NAALADL2: variants seen among roughly 807,000 people sequenced by gnomAD.
The protein encoded by NAALADL2 is inactive N-acetylated-alpha-linked acidic dipeptidase-like protein 2.
A neutral mutation model predicts 87.2 loss-of-function variants in NAALADL2; 76 were observed. The observed-to-expected ratio is 0.87, with a 90% CI of 0.72 to 1.05. The LOEUF (loss-of-function observed/expected upper bound fraction) is 1.05, where lower values mean the gene tolerates loss of function less well. Ranked by LOEUF, NAALADL2 falls within the 50% of genes least tolerant of loss-of-function variation. NAALADL2 has a pLI of 0.00. For missense variants in NAALADL2, 1,089 were observed against 945.8 expected (o/e 1.15, Z -1.99); for synonymous variants, 354 against 331.0 (o/e 1.07, Z -0.75).
chr3:175,100,103 T>G (rs975611044), intron 2 of NAALADL2, among the ~76,000 whole-genome samples: 1 of 151,974 alleles, frequency 6.6e-6, no homozygotes, highest in East Asian at 1.9e-4. Flanking sequence ...TGATTTTAAA[T>G]AAGTGGCAAC....
At chr3:175,774,669 A>G (rs985685359) in intron 13 of NAALADL2, among the ~76,000 whole-genome samples, 5 of 152,070 alleles carry the variant, frequency 3.3e-5, no homozygotes, top group Admixed American at 2.0e-4. Context: ...ATATAGATCT[A>G]TGCTGCTCAA....
At chr3:174,812,873 T>G (rs1720374769) in intron 3 of NAALADL2, among the ~76,000 whole-genome samples, 1 of 152,000 alleles carries the variant, frequency 6.6e-6, no homozygotes, top group Non-Finnish European at 1.5e-5. Flanking sequence ...TTCATACAGC[T>G]CTACAATATA....
At position 175,368,509 on chromosome 3, in the gene NAALADL2, G is replaced by C. The variant is rs183587248; in HGVS notation, c.1090+44184G>C. 1.7e-3 allele frequency among the ~76,000 whole-genome samples: 265 copies of C among 151,940 alleles called. 1 individual carries two copies. The highest frequency in any genetic ancestry group is 6.1e-3 in the African/African-American group (252 of 41,488). Reference sequence around the variant, plus strand: ...CCGAAAATAGTTACATTTTACAAACGAATCTCTAACACATTTTGGTATCTT... The same window carrying C: ...CCGAAAATAGTTACATTTTACAAACCAATCTCTAACACATTTTGGTATCTT... On this transcript the variant is annotated intron_variant, in intron 5 of 13. Transcript: ENST00000454872.
intron 1 of NAALADL2, among the ~76,000 whole-genome samples, chr3:174,989,392 C>T (rs1746408915): frequency 6.6e-6 from 1 of 152,106 alleles, no homozygotes; most frequent in African/African-American, 2.4e-5. Context: ...TAGAAAGAAA[C>T]TTACATTTTG....
intron 1 of NAALADL2, among the ~76,000 whole-genome samples, chr3:174,962,708 A>T (rs1274064476): frequency 6.6e-6 from 1 of 151,974 alleles, no homozygotes; most frequent in Non-Finnish European, 1.5e-5. Flanking sequence ...ATTATGAGGG[A>T]CTTGATGCTC....
chr3:175,650,735 CTT>C (rs375728204), intron 11 of NAALADL2, among the ~76,000 whole-genome samples: 10 of 152,250 alleles, frequency 6.6e-5, no homozygotes, highest in Non-Finnish European at 1.2e-4. Flanking sequence ...TTCATCCAAA[CTT>C]ATATTTCTTA....
At chr3:175,144,431 G>C (rs2108746240) in intron 2 of NAALADL2, among the ~76,000 whole-genome samples, 1 of 151,634 alleles carries the variant, frequency 6.6e-6, no homozygotes, top group Admixed American at 6.6e-5. Context: ...AAATATATGA[G>C]TTAAGTTGAG....
At chr3:175,565,151 G>C (rs1206341876) in intron 9 of NAALADL2, among the ~76,000 whole-genome samples, 1 of 152,148 alleles carries the variant, frequency 6.6e-6, no homozygotes, top group Non-Finnish European at 1.5e-5. Flanking sequence ...CAGCAGTGGA[G>C]GTTGAAGAGA....
chr3:175,322,199 C>T (rs1044911142), intron 4 of NAALADL2, among the ~76,000 whole-genome samples: 3 of 151,232 alleles, frequency 2.0e-5, no homozygotes, highest in Non-Finnish European at 2.9e-5. Flanking sequence ...CTACAACTAT[C>T]TGATCTTTGA....
intron 3 of NAALADL2, among the ~76,000 whole-genome samples, chr3:174,841,645 A>T (rs548142081): frequency 2.3e-3 from 349 of 152,294 alleles, no homozygotes; most frequent in Non-Finnish European, 3.1e-3. Context: ...AGGGTTGATC[A>T]TTTTATTTCA....
rs1473381398 is a variant in NAALADL2, at chr3:175,446,254, C to CG, written c.1091-968dup. Among the ~76,000 whole-genome samples the CG allele has an allele frequency of 4.1e-3, 137 of 33,586 alleles. 2 individuals are homozygous for CG. The highest frequency in any genetic ancestry group is 0.014 in the African/African-American group (124 of 8,628). 22.0% of individuals were successfully genotyped at this position (33,586 alleles called of 152,430 possible). ...TCATGACACCTTTTTTTGGGGGGGG[C>CG]GGGGGGGACTGTGTCTCACTCTGTC... is the stretch of plus-strand genomic sequence containing the variant. On this transcript the variant is annotated intron_variant, in intron 5 of 13. Coordinates refer to ENST00000454872, the MANE Select transcript of NAALADL2 (RefSeq NM_207015.3).
chr3:175,726,113 G>A (rs1742881246), intron 11 of NAALADL2, among the ~76,000 whole-genome samples: 1 of 151,746 alleles, frequency 6.6e-6, no homozygotes, highest in Non-Finnish European at 1.5e-5. Context: ...GTCAAAACAT[G>A]ACTATATCAC....
At chr3:175,583,900 G>A (rs2149582383) in intron 10 of NAALADL2, among the ~76,000 whole-genome samples, 1 of 152,268 alleles carries the variant, frequency 6.6e-6, no homozygotes, top group South Asian at 2.1e-4. Context: ...GGTAGAGCAA[G>A]GAAAATTATA....
chr3:175,357,161 A>G (rs887771952), intron 5 of NAALADL2, among the ~76,000 whole-genome samples: 10 of 152,174 alleles, frequency 6.6e-5, no homozygotes, highest in Admixed American at 5.9e-4. Context: ...TTGCTTTCAT[A>G]GACATCTTCC....
At chr3:175,312,779 G>A (rs1758546848) in intron 4 of NAALADL2, among the ~76,000 whole-genome samples, 1 of 152,126 alleles carries the variant, frequency 6.6e-6, no homozygotes, top group East Asian at 1.9e-4. Context: ...AATGATCTGA[G>A]TAAAAATCAA....
At chr3:175,108,799 G>A (rs11710345) in intron 2 of NAALADL2, among the ~76,000 whole-genome samples, 69,802 of 151,690 alleles carry the variant, frequency 0.46, 16,262 homozygotes, top group African/African-American at 0.54. Flanking sequence ...GCTATTTCAT[G>A]TGGGCAAAGA....
chr3:175,266,268 T>G (rs1751918762), intron 4 of NAALADL2, among the ~76,000 whole-genome samples: 1 of 151,258 alleles, frequency 6.6e-6, no homozygotes, highest in Admixed American at 6.6e-5. Flanking sequence ...ATTTAAATAT[T>G]TTAATCATCT....
At chr3:174,836,991 C>T (rs1430288879) in intron 3 of NAALADL2, among the ~76,000 whole-genome samples, 3 of 151,960 alleles carry the variant, frequency 2.0e-5, no homozygotes, top group Non-Finnish European at 1.5e-5. Context: ...CTCTGGCATA[C>T]AGCAAAGGTG....
At chr3:174,698,237 T>G (rs973727880) in intron 2 of NAALADL2, among the ~76,000 whole-genome samples, 6 of 142,132 alleles carry the variant, frequency 4.2e-5, no homozygotes, top group Non-Finnish European at 7.4e-5. Flanking sequence ...ATTTAGTTAA[T>G]CTGTTTCCAT....
Sources: gnomAD v4.1 joint callset for allele counts (sites outside exome capture counted in the v4.1 genomes callset) on GRCh38, gnomAD v4.1.1 for gene constraint, MANE v1.5 for transcripts, NCBI Gene and HGNC (gene_info 2026-07-23, HGNC 2026-07-21) for gene names.